SPOCK1: variants seen among roughly 807,000 people sequenced by gnomAD.
The protein encoded by SPOCK1 is testican-1.
A neutral mutation model predicts 55.3 loss-of-function variants in SPOCK1; 23 were observed. That is an observed-to-expected ratio of 0.42 (90% CI 0.30 to 0.59). The LOEUF is 0.59. Among genes scored for constraint, SPOCK1 ranks in the 20% least tolerant of loss-of-function variants. SPOCK1 has a pLI of 0.22. For missense variants in SPOCK1, 499 were observed against 552.5 expected (o/e 0.90, Z 0.97); for synonymous variants, 226 against 221.0 (o/e 1.02, Z -0.20).
At chr5:137,471,377 G>C (rs980132884) in intron 2 of SPOCK1, among the ~76,000 whole-genome samples, 1 of 152,170 alleles carries the variant, frequency 6.6e-6, no homozygotes, top group Non-Finnish European at 1.5e-5. Context: ...CAATAGCTGT[G>C]AGGATTTGGG....
intron 2 of SPOCK1, among the ~76,000 whole-genome samples, chr5:137,344,937 T>C (rs1489708796): frequency 6.6e-6 from 1 of 152,216 alleles, no homozygotes; most frequent in Non-Finnish European, 1.5e-5. Context: ...AGCAGTGCTG[T>C]TAGCTTGGGT....
chr5:137,063,661 C>T (rs779791297), intron 6 of SPOCK1, among the ~76,000 whole-genome samples: 4 of 152,182 alleles, frequency 2.6e-5, no homozygotes, highest in Non-Finnish European at 5.9e-5. Context: ...GGATTCTCCT[C>T]TCCATAATTC....
chr5:137,105,448 A>G (rs191632216), intron 5 of SPOCK1, among the ~76,000 whole-genome samples: 1 of 152,304 alleles, frequency 6.6e-6, no homozygotes, highest in East Asian at 1.9e-4. Context: ...CATGGTCACA[A>G]GGTCATAAAA....
chr5:137,284,872 C>G (rs941456695), intron 2 of SPOCK1, among the ~76,000 whole-genome samples: 1 of 152,120 alleles, frequency 6.6e-6, no homozygotes, highest in African/African-American at 2.4e-5. Flanking sequence ...AACAGCTGGT[C>G]CCAAACCAAC....
intron 2 of SPOCK1, among the ~76,000 whole-genome samples, chr5:137,367,268 A>G (rs922188153): frequency 2.0e-5 from 3 of 152,192 alleles, no homozygotes; most frequent in South Asian, 4.1e-4. Flanking sequence ...GATTGACAAG[A>G]AGAGCCCTGG....
At position 137,241,297 on chromosome 5, in the gene SPOCK1, GA is replaced by G. The variant is rs539603862; in HGVS notation, c.232+25712del. ...GTAGTACACATAAGCAAAGTCAAAA[GA>G]CAAACACCACCACAGGAAACTGATT... On this transcript the variant is annotated intron_variant, in intron 3 of 10. Coordinates refer to ENST00000394945, the MANE Select transcript of SPOCK1 (RefSeq NM_004598.4). Among the ~76,000 whole-genome samples the G allele has an allele frequency of 3.3e-5, 5 of 152,150 alleles. No individual in the cohort carries two copies. The East Asian group carries it at 9.7e-4, about 29-fold the overall frequency.
At chr5:137,031,919 TACAC>T (rs1285018635) in intron 6 of SPOCK1, among the ~76,000 whole-genome samples, 1 of 151,150 alleles carries the variant, frequency 6.6e-6, no homozygotes, top group Non-Finnish European at 1.5e-5. Context: ...TATAGATACA[TACAC>T]ACACATACAT....
chr5:137,242,193 C>T (rs1488798541), intron 3 of SPOCK1, among the ~76,000 whole-genome samples: 1 of 152,160 alleles, frequency 6.6e-6, no homozygotes, highest in Admixed American at 6.5e-5. Flanking sequence ...TATGGCAAAA[C>T]CCCATTGATA....
At chr5:137,242,180 G>A (rs911274308) in intron 3 of SPOCK1, among the ~76,000 whole-genome samples, 13 of 152,148 alleles carry the variant, frequency 8.5e-5, no homozygotes, top group African/African-American at 3.1e-4. Context: ...CCAGTCTGGT[G>A]GATATGGCAA....
At chr5:137,044,821 G>A (rs1752080265) in intron 6 of SPOCK1, among the ~76,000 whole-genome samples, 1 of 135,528 alleles carries the variant, frequency 7.4e-6, no homozygotes, top group African/African-American at 2.8e-5. Context: ...AGTCCCCAGA[G>A]TGTGATATTC....
chr5:136,990,802 G>T (rs886551681), intron 7 of SPOCK1, among the ~76,000 whole-genome samples: 5 of 152,130 alleles, frequency 3.3e-5, no homozygotes, highest in African/African-American at 1.2e-4. Flanking sequence ...GCAAAAAGAA[G>T]TGCCAATCTG....
intron 3 of SPOCK1, among the ~76,000 whole-genome samples, chr5:137,159,711 T>C (rs1393037513): frequency 6.6e-6 from 1 of 152,160 alleles, no homozygotes; most frequent in Non-Finnish European, 1.5e-5. Context: ...ACGGTGTATA[T>C]ATACCACATT....
At chr5:137,241,714 G>A (rs1469992603) in intron 3 of SPOCK1, among the ~76,000 whole-genome samples, 1 of 152,124 alleles carries the variant, frequency 6.6e-6, no homozygotes, top group East Asian at 1.9e-4. Context: ...CTCACTAGAT[G>A]CTAACCCCCT....
intron 3 of SPOCK1, among the ~76,000 whole-genome samples, chr5:137,237,358 T>C (rs980852959): frequency 2.0e-5 from 3 of 152,024 alleles, no homozygotes; most frequent in African/African-American, 7.2e-5. Context: ...GAGCCCCCCA[T>C]CTACTTAGTC....
rs1561551692 is a variant in SPOCK1, at chr5:137,498,561, GC to G, written c.1-4del. The G allele has an allele frequency of 6.7e-7, 1 of 1,487,676 alleles. No individual in the cohort carries two copies. Among genetic ancestry groups the G allele is most frequent in the South Asian group, 1.3e-5 (1 of 75,804 alleles). 92.2% of individuals were successfully genotyped at this position (1,487,676 alleles called of 1,614,324 possible). ...GCCAACACCGCGATCGCCGGCATCT[GC>G]GGGGCAGGGCGCGCAGGGCGATGAG... On this transcript the variant is annotated splice_region_variant and splice_polypyrimidine_tract_variant and intron_variant, in intron 1 of 10. Coordinates refer to ENST00000394945, the MANE Select transcript of SPOCK1 (RefSeq NM_004598.4).
rs1370126301 is a variant in SPOCK1 at position 136,977,955 on chromosome 5, T to C, written c.*699A>G. On this transcript the variant is annotated 3_prime_UTR_variant, in exon 11 of 11. Transcript: ENST00000394945. ...ACCCAAACACTTTTTCTGAGAGGTA[T>C]GGGTGTGTGTGCAAGGCACACACAT... The C allele has an allele frequency of 7.5e-6, 3 of 398,870 alleles. No homozygotes were observed. Among genetic ancestry groups the C allele is most frequent in the Non-Finnish European group, 1.3e-5 (3 of 226,040 alleles). The allele number at this position is 398,870 out of a possible 1,614,324, so 24.7% of individuals were successfully genotyped here.
rs1491140183 is a variant in SPOCK1 at position 137,160,540 on chromosome 5, AAT to A, written c.233-19848_233-19847del. 2.4e-4 allele frequency among the ~76,000 whole-genome samples: 12 copies of A among 49,578 alleles called. 1 individual carries two copies. The highest frequency in any genetic ancestry group is 3.6e-4 in the Non-Finnish European group (10 of 28,080). 32.5% of individuals were successfully genotyped at this position (49,578 alleles called of 152,430 possible). A position where few individuals can be genotyped will look rare whatever the true frequency, so the allele number is the denominator to read the frequency against. ...ATATATATAATATATAAAAATATAT[AAT>A]ATATATAATATATATTATATATTAT... On this transcript the variant is annotated intron_variant, in intron 3 of 10. Coordinates refer to ENST00000394945, the MANE Select transcript of SPOCK1 (RefSeq NM_004598.4).
chr5:137,286,662 T>C (rs1029830110), intron 2 of SPOCK1, among the ~76,000 whole-genome samples: 5 of 152,052 alleles, frequency 3.3e-5, no homozygotes, highest in Non-Finnish European at 4.4e-5. Flanking sequence ...CAAAGGGAGA[T>C]AGAATAGAGT....
chr5:137,491,850 C>T (rs1181679707), intron 2 of SPOCK1, among the ~76,000 whole-genome samples: 1 of 152,106 alleles, frequency 6.6e-6, no homozygotes, highest in East Asian at 1.9e-4. Flanking sequence ...AGGAGGCATC[C>T]AACTATTAAA....
Sources: allele counts gnomAD v4.1 joint callset (sites outside exome capture counted in the v4.1 genomes callset), GRCh38; gene constraint gnomAD v4.1.1; transcripts MANE v1.5; gene names NCBI Gene and HGNC (gene_info 2026-07-23, HGNC 2026-07-21).